Variants in BCKDHB observed in about 807,000 individuals in gnomAD.
BCKDHB encodes the protein 2-oxoisovalerate dehydrogenase subunit beta, mitochondrial.
A neutral mutation model predicts 48.5 loss-of-function variants in BCKDHB; 41 were observed. That is an observed-to-expected ratio of 0.85 (90% CI 0.66 to 1.10). The LOEUF is 1.10. Ranked by LOEUF, BCKDHB falls within the 50% of genes least tolerant of loss-of-function variation. BCKDHB has a pLI of 0.00. For synonymous variants in BCKDHB, 201 were observed against 174.8 expected (o/e 1.15, Z -1.18); for missense variants, 496 against 494.2 (o/e 1.00, Z -0.03).
chr6:80,369,198 T>C, the BCKDHB span, among the ~76,000 whole-genome samples: 2 of 146,692 alleles, frequency 1.4e-5, no homozygotes, highest in Non-Finnish European at 3.0e-5. Flanking sequence ...CCACTCTGGG[T>C]AGGCCATGAA....
At chr6:80,387,194 C>T in the BCKDHB span, among the ~76,000 whole-genome samples, 1 of 152,076 alleles carries the variant, frequency 6.6e-6, no homozygotes, top group Non-Finnish European at 1.5e-5. Flanking sequence ...TACAGTGGGT[C>T]CAGTGGGTTC....
intron 8 of BCKDHB, among the ~76,000 whole-genome samples, chr6:80,247,369 G>T (rs980745172): frequency 6.6e-6 from 1 of 152,150 alleles, no homozygotes; most frequent in Non-Finnish European, 1.5e-5. Context: ...TTATTACCTA[G>T]ACCTGAGTTA....
At position 80,223,257 on chromosome 6, in the gene BCKDHB, G is replaced by A. The variant is rs139962190; in HGVS notation, c.951+20045G>A. Among the ~76,000 whole-genome samples the A allele has an allele frequency of 2.8e-3, 421 of 152,140 alleles. 2 individuals are homozygous for A. The highest frequency in any genetic ancestry group is 9.5e-3 in the African/African-American group (395 of 41,522). On this transcript the variant is annotated intron_variant, in intron 8 of 9. Coordinates refer to ENST00000320393, the MANE Select transcript of BCKDHB (RefSeq NM_183050.4). Reference sequence around the variant, plus strand: ...TTTGAAATACAATATTATTGCTTAAGGTATGAGTGGGGTGAACTCTCAAAT... The same window carrying A: ...TTTGAAATACAATATTATTGCTTAAAGTATGAGTGGGGTGAACTCTCAAAT...
intron 8 of BCKDHB, among the ~76,000 whole-genome samples, chr6:80,227,777 G>A (rs1211936766): frequency 6.6e-6 from 1 of 152,192 alleles, no homozygotes; most frequent in East Asian, 1.9e-4. Flanking sequence ...AACATCTTAT[G>A]TGAGGGTTTA....
chr6:80,423,437 T>C, the BCKDHB span, among the ~76,000 whole-genome samples: 4 of 152,226 alleles, frequency 2.6e-5, no homozygotes, highest in African/African-American at 9.6e-5. Context: ...TTGAAGGCGA[T>C]ATGGGTTGGA....
intron 8 of BCKDHB, among the ~76,000 whole-genome samples, chr6:80,223,167 T>C: frequency 6.6e-6 from 1 of 152,208 alleles, no homozygotes; most frequent in East Asian, 1.9e-4. Flanking sequence ...AGCATAGTAT[T>C]ATAATTGATG....
intron 3 of BCKDHB, among the ~76,000 whole-genome samples, chr6:80,139,999 C>T (rs955883173): frequency 1.3e-5 from 2 of 152,160 alleles, no homozygotes; most frequent in Non-Finnish European, 2.9e-5. Context: ...GTTTGTAGTT[C>T]TCCTTGAAGA....
At chr6:80,395,866 G>A in the BCKDHB span, among the ~76,000 whole-genome samples, 2 of 152,190 alleles carry the variant, frequency 1.3e-5, no homozygotes, top group Admixed American at 1.3e-4. Context: ...AGCTGCTTCA[G>A]CTCCAGCTCT....
At chr6:80,205,364 G>C (rs960853752) in intron 8 of BCKDHB, among the ~76,000 whole-genome samples, 42 of 151,684 alleles carry the variant, frequency 2.8e-4, no homozygotes, top group Non-Finnish European at 8.8e-5. Context: ...TCATTAGATC[G>C]CTGAGTTTTA....
chr6:80,233,384 A>G lies in BCKDHB; in HGVS notation c.951+30172A>G, dbSNP rs554424590. 3.9e-5 allele frequency among the ~76,000 whole-genome samples: 6 copies of G among 152,314 alleles called. No individual in the cohort carries two copies. In the South Asian group the frequency reaches 1.0e-3, roughly 26 times the overall value. ...ACAAAATGAATGCTGTAAATATACT[A>G]TGAAACCTTCTTGAGATCATTCCCA... is the stretch of plus-strand genomic sequence containing the variant. On this transcript the variant is annotated intron_variant, in intron 8 of 9. Transcript: ENST00000320393.
the BCKDHB span, among the ~76,000 whole-genome samples, chr6:80,393,317 A>C: frequency 6.6e-6 from 1 of 152,148 alleles, no homozygotes; most frequent in Non-Finnish European, 1.5e-5. Context: ...TCCAAAATTC[A>C]TATCTTTAAA....
At chr6:80,118,318 T>TTA (rs1388638135) in intron 1 of BCKDHB, among the ~76,000 whole-genome samples, 1 of 152,232 alleles carries the variant, frequency 6.6e-6, no homozygotes, top group African/African-American at 2.4e-5. Flanking sequence ...TGTAGTCTAG[T>TTA]AAGTGTGCAA....
chr6:80,151,174 G>T lies in BCKDHB; in HGVS notation c.344-16504G>T, dbSNP rs143965531. 1.7e-3 allele frequency among the ~76,000 whole-genome samples: 264 copies of T among 152,198 alleles called. 1 individual carries two copies. The highest frequency in any genetic ancestry group is 6.0e-3 in the African/African-American group (250 of 41,546). On this transcript the variant is annotated intron_variant, in intron 3 of 9. Coordinates refer to ENST00000320393, the MANE Select transcript of BCKDHB (RefSeq NM_183050.4). ...ATGATCTGTACCAGTTAATTTCTGC[G>T]TTTTGATACATCTTATTGATGTGTT...
chr6:80,299,069 A>G (rs903329739), intron 9 of BCKDHB, among the ~76,000 whole-genome samples: 1 of 24,024 alleles, frequency 4.2e-5, no homozygotes, highest in East Asian at 8.9e-3. Flanking sequence ...ACTTTACTGA[A>G]AGGGTCTTTC....
At chr6:80,313,082 T>C (rs1428672859) in intron 9 of BCKDHB, among the ~76,000 whole-genome samples, 1 of 152,152 alleles carries the variant, frequency 6.6e-6, no homozygotes, top group East Asian at 1.9e-4. Context: ...GGTTAGGCTA[T>C]TTATTACTGC....
At chr6:80,168,439 AGAGGGAGGGAGGGAGG>A (rs1323763415) in intron 4 of BCKDHB, among the ~76,000 whole-genome samples, 2 of 60,806 alleles carry the variant, frequency 3.3e-5, no homozygotes, top group African/African-American at 1.4e-4. Flanking sequence ...GAAAAGGAAG[AGAGGGAGGGAGGGAGG>A]GAGGGAGGGA....
intron 8 of BCKDHB, among the ~76,000 whole-genome samples, chr6:80,246,310 T>TCC (rs1296244498): frequency 6.6e-6 from 1 of 152,176 alleles, no homozygotes; most frequent in East Asian, 1.9e-4. Flanking sequence ...GGTCCCCTGG[T>TCC]CGTCCCTCGC....
chr6:80,221,942 TTTA>T (rs1327775799), intron 8 of BCKDHB, among the ~76,000 whole-genome samples: 24 of 152,294 alleles, frequency 1.6e-4, no homozygotes, highest in African/African-American at 5.3e-4. Flanking sequence ...GTTTCCTAAT[TTTA>T]TTATTATTTT....
intron 8 of BCKDHB, among the ~76,000 whole-genome samples, chr6:80,214,169 A>G (rs1194680152): frequency 6.6e-6 from 1 of 152,212 alleles, no homozygotes; most frequent in Non-Finnish European, 1.5e-5. Context: ...GGGAAATTGT[A>G]GAGCTGGAAT....
Sources: gnomAD v4.1 joint callset for allele counts (sites outside exome capture counted in the v4.1 genomes callset) on GRCh38, gnomAD v4.1.1 for gene constraint, MANE v1.5 for transcripts, NCBI Gene and HGNC (gene_info 2026-07-23, HGNC 2026-07-21) for gene names.